Variants in LRRIQ1 observed in about 807,000 individuals in gnomAD.
LRRIQ1 encodes the protein leucine-rich repeat- and IQ domain-containing protein 1.
A neutral mutation model predicts 211.9 loss-of-function variants in LRRIQ1; 210 were observed. That is an observed-to-expected ratio of 0.99 (90% CI 0.89 to 1.11). The LOEUF (loss-of-function observed/expected upper bound fraction) is 1.11. LRRIQ1 is among the 50% of genes most tolerant of loss of function. The pLI, the probability that LRRIQ1 is intolerant of heterozygous loss-of-function variation, is 0.00. For missense variants in LRRIQ1, 2,136 were observed against 1,939.5 expected, an observed-to-expected ratio of 1.10 and a Z score of -1.90; for synonymous variants, 699 against 650.1, an observed-to-expected ratio of 1.08 and a Z score of -1.14.
At chr12:85,178,657 C>G (rs1161620078) in intron 24 of LRRIQ1, among the ~76,000 whole-genome samples, 1 of 151,964 alleles carries the variant, frequency 6.6e-6, no homozygotes, top group Non-Finnish European at 1.5e-5. Flanking sequence ...TCCCTTACAT[C>G]TTCGCTTCCA....
Position 85,163,553 on chromosome 12 carries a change from T to A in LRRIQ1, c.4822+2839T>A, listed in dbSNP as rs1368783538. 5.3e-5 allele frequency among the ~76,000 whole-genome samples: 8 copies of A among 151,630 alleles called. 1 individual carries two copies. In the South Asian group the frequency reaches 8.3e-4, roughly 16 times the overall value. ...TTATTTTAGTAACATTGTATAAATT[T>A]AAAAAAAAATTACTTTCTATCTCCA... On this transcript the variant is annotated intron_variant, in intron 24 of 26. Coordinates refer to ENST00000393217, the MANE Select transcript of LRRIQ1 (RefSeq NM_001079910.2).
Position 85,044,762 on chromosome 12 carries a change from A to C in LRRIQ1, c.289A>C (p.Thr97Pro). ...AVSNNHMHLR[T>P]GLSTEYEESS... ...TTCTAATAATCATATGCATTTAAGA[A>C]CAGGACTATCAACTGAATATGAAGA... The change falls in exon 4 of 27, where the codon ACA becomes CCA. Residue 97 changes from threonine to proline, a missense_variant. Thr to Pro is a conservative substitution (Grantham distance 38). Transcript: ENST00000393217. The C allele has an allele frequency of 6.4e-7, 1 of 1,568,102 alleles. No individual in the cohort carries two copies. The highest frequency in any genetic ancestry group is 1.7e-4 in the Middle Eastern group (1 of 5,956).
intron 26 of LRRIQ1, among the ~76,000 whole-genome samples, chr12:85,239,806 C>T (rs1895381582): frequency 6.6e-6 from 1 of 151,740 alleles, no homozygotes; most frequent in South Asian, 2.1e-4. Context: ...GATGAAACTC[C>T]ATCTCTATCA....
intron 4 of LRRIQ1, 105 bp from the exon 5 acceptor site, chr12:85,045,914 TA>T: frequency 2.0e-6 from 1 of 510,170 alleles, no homozygotes; most frequent in Non-Finnish European, 3.4e-6. Context: ...TGGAGTACAT[TA>T]AAATTCTTGG....
intron 26 of LRRIQ1, among the ~76,000 whole-genome samples, chr12:85,240,838 T>A (rs1417385092): frequency 6.6e-6 from 1 of 152,128 alleles, no homozygotes; most frequent in Admixed American, 6.6e-5. Flanking sequence ...AAAACGTGAT[T>A]AGTTGCCATG....
chr12:85,038,294 G>A lies in LRRIQ1; in HGVS notation c.118G>A (p.Asp40Asn), dbSNP rs777007740. Residue 40 changes from aspartate to asparagine, a missense_variant, in exon 2 of 27, where the codon GAT becomes AAT. Coordinates refer to ENST00000393217, the MANE Select transcript of LRRIQ1 (RefSeq NM_001079910.2). ...ESDAKSETQS[D>N]DSDTDSVELP... ...TGATGCAAAATCAGAAACCCAGAGT[G>A]ATGATAGTGATACAGTGAGTATTGC... is the stretch of plus-strand genomic sequence containing the variant. 9 of 1,578,498 alleles carry A rather than the reference G, an allele frequency of 5.7e-6. No individual in the cohort carries two copies. Among genetic ancestry groups the A allele is most frequent in the Middle Eastern group, 1.7e-4 (1 of 5,932 alleles).
intron 2 of LRRIQ1, among the ~76,000 whole-genome samples, chr12:85,040,005 G>C (rs1878676798): frequency 1.3e-5 from 2 of 151,448 alleles, no homozygotes; most frequent in African/African-American, 4.8e-5. Flanking sequence ...GGCTATATTG[G>C]TAGATATTTT....
downstream of LRRIQ1, among the ~76,000 whole-genome samples, chr12:85,265,118 G>C (rs1228440228): frequency 6.6e-6 from 1 of 151,982 alleles, no homozygotes; most frequent in Non-Finnish European, 1.5e-5. Flanking sequence ...GTGTAATACT[G>C]TGTCTGTGTA....
intron 24 of LRRIQ1, among the ~76,000 whole-genome samples, chr12:85,180,042 C>G (rs1329484702): frequency 6.6e-6 from 1 of 151,962 alleles, no homozygotes; most frequent in Non-Finnish European, 1.5e-5. Context: ...CAGAAACACT[C>G]TTCCTGCCAA....
At chr12:85,085,100 GT>G (rs992700911) in intron 11 of LRRIQ1, among the ~76,000 whole-genome samples, 12 of 151,956 alleles carry the variant, frequency 7.9e-5, no homozygotes, top group African/African-American at 2.4e-4. Flanking sequence ...CATAGTATTT[GT>G]TTTTTTGCGT....
downstream of LRRIQ1, among the ~76,000 whole-genome samples, chr12:85,269,381 G>C (rs1227784908): frequency 1.3e-5 from 2 of 151,964 alleles, no homozygotes; most frequent in African/African-American, 2.4e-5. Context: ...AGGGGAAATG[G>C]TAATTTAATT....
In LRRIQ1 at chr12:85,121,715, GT is replaced by G; in HGVS notation, c.3398del (p.Leu1133CysfsTer4). 1 of 1,585,064 alleles carries G rather than the reference GT, an allele frequency of 6.3e-7. No individual in the cohort carries two copies. The highest frequency in any genetic ancestry group is 1.2e-5 in the South Asian group (1 of 85,004). On this transcript the variant is annotated frameshift_variant, in exon 16 of 27. Transcript: ENST00000393217. LOFTEE classifies it high-confidence loss of function. ...TNWRDSLLKV[L>X]PALRILNGNI... is the part of the protein sequence containing the mutation. ...TCAATAGGGATTCTCTACTTAAAGT[GT>G]TGCCTGCTCTGAGAATCCTCAATGG... is the stretch of plus-strand genomic sequence containing the variant.
chr12:85,162,275 A>T (rs1890926706), intron 24 of LRRIQ1, among the ~76,000 whole-genome samples: 1 of 152,184 alleles, frequency 6.6e-6, no homozygotes, highest in African/African-American at 2.4e-5. Flanking sequence ...TGATAGAATT[A>T]AAATATATTC....
chr12:85,114,431 A>T (rs1887423830), intron 15 of LRRIQ1, among the ~76,000 whole-genome samples: 1 of 152,216 alleles, frequency 6.6e-6, no homozygotes, highest in African/African-American at 2.4e-5. Context: ...CCACATTGCC[A>T]GTTTCAACAA....
chr12:85,201,715 A>G (rs1247757596), intron 24 of LRRIQ1, among the ~76,000 whole-genome samples: 1 of 151,186 alleles, frequency 6.6e-6, no homozygotes, highest in Non-Finnish European at 1.5e-5. Flanking sequence ...TGTCTTTCCT[A>G]TTAATGTTTT....
intron 24 of LRRIQ1, among the ~76,000 whole-genome samples, chr12:85,213,055 T>G (rs1257446977): frequency 6.6e-6 from 1 of 151,530 alleles, no homozygotes; most frequent in Non-Finnish European, 1.5e-5. Context: ...ATAGCCCAGG[T>G]AGCAAATAGT....
intron 11 of LRRIQ1, among the ~76,000 whole-genome samples, chr12:85,080,487 AT>A: frequency 6.6e-6 from 1 of 151,530 alleles, no homozygotes; most frequent in East Asian, 1.9e-4. Flanking sequence ...ATATATGTAT[AT>A]TTTTTATAAT....
Position 85,038,222 on chromosome 12 carries a change from T to C in LRRIQ1, c.46T>C (p.Leu16=). Residue 16 remains leucine, a synonymous_variant, in exon 2 of 27, where the codon TTG becomes CTG. Coordinates refer to ENST00000393217, the MANE Select transcript of LRRIQ1 (RefSeq NM_001079910.2). Reference sequence around the variant, plus strand: ...GCTCAAAGCAGAAATAGAAGCTGAATTGGATAAACTCAGCATTTCCTCCTT... The same window carrying C: ...GCTCAAAGCAGAAATAGAAGCTGAACTGGATAAACTCAGCATTTCCTCCTT... The part of the protein sequence containing the change: ...AKLKAEIEAE[L]DKLSISSLEK... The C allele has an allele frequency of 6.3e-7, 1 of 1,584,184 alleles. No homozygotes were observed. The highest frequency in any genetic ancestry group is 8.6e-7 in the Non-Finnish European group (1 of 1,163,606).
chr12:85,073,208 A>C, intron 11 of LRRIQ1, 110 bp downstream of exon 11: 1 of 670,654 alleles, frequency 1.5e-6, no homozygotes, highest in East Asian at 3.0e-5. Flanking sequence ...TTTTAAATAT[A>C]GGTAAAATAT....
Sources: gnomAD v4.1 joint callset for allele counts (sites outside exome capture counted in the v4.1 genomes callset) on GRCh38, gnomAD v4.1.1 for gene constraint, MANE v1.5 for transcripts, NCBI Gene and HGNC (gene_info 2026-07-23, HGNC 2026-07-21) for gene names.